Variants in ELAVL4 observed in about 807,000 individuals in gnomAD.
The protein encoded by ELAVL4 is ELAV like RNA binding protein 4, also known as ELAV-like protein 4.
In ELAVL4, 1 loss-of-function variant was observed where a neutral mutation model predicts 35.6. The ratio of observed to expected loss-of-function variants is 0.03; its 90% CI spans 0.01 to 0.13. The LOEUF (loss-of-function observed/expected upper bound fraction) is 0.13. Ranked by LOEUF, ELAVL4 falls within the 10% of genes least tolerant of loss-of-function variation. ELAVL4 has a pLI of 1.00. For missense variants in ELAVL4, 267 were observed against 464.9 expected (o/e 0.57, Z 3.91); for synonymous variants, 156 against 171.0 (o/e 0.91, Z 0.69).
chr1:50,158,015 A>G (rs1352666981), intron 2 of ELAVL4, among the ~76,000 whole-genome samples: 1 of 152,200 alleles, frequency 6.6e-6, no homozygotes, highest in Non-Finnish European at 1.5e-5. Flanking sequence ...GAGCTAGACT[A>G]CCTATATCTA....
At chr1:50,052,529 G>T (rs1663440291) in intron 1 of ELAVL4, among the ~76,000 whole-genome samples, 1 of 152,200 alleles carries the variant, frequency 6.6e-6, no homozygotes, top group Admixed American at 6.5e-5. Context: ...GACTTTCTCA[G>T]AAGAAACCAT....
At chr1:50,073,811 T>G (rs1223617985) in intron 1 of ELAVL4, among the ~76,000 whole-genome samples, 1 of 17,966 alleles carries the variant, frequency 5.6e-5, no homozygotes, top group Non-Finnish European at 1.0e-4. Flanking sequence ...ATACGCAAAC[T>G]AAATGCACAA....
intron 2 of ELAVL4, among the ~76,000 whole-genome samples, chr1:50,162,756 G>A (rs756235557): frequency 2.6e-5 from 4 of 152,102 alleles, no homozygotes; most frequent in Non-Finnish European, 5.9e-5. Context: ...GCTAATTTTT[G>A]TACTTTTTGT....
intron 1 of ELAVL4, among the ~76,000 whole-genome samples, chr1:50,068,654 A>G (rs986052668): frequency 2.6e-4 from 39 of 152,210 alleles, no homozygotes; most frequent in African/African-American, 8.9e-4. Flanking sequence ...GGTTGTGTGA[A>G]ATCTGTGGAT....
chr1:50,201,206 A>G lies in ELAVL4; in HGVS notation c.*28A>G. The G allele has an allele frequency of 1.3e-6, 2 of 1,512,850 alleles. No homozygotes were observed. Among genetic ancestry groups the G allele is most frequent in the African/African-American group, 1.4e-5 (1 of 70,572 alleles). The allele number at this position is 1,512,850 out of a possible 1,614,324, so 93.7% of individuals were successfully genotyped here. A position where few individuals can be genotyped will look rare whatever the true frequency, so the allele number is the denominator to read the frequency against. Reference sequence around the variant, plus strand: ...TTCCCATTCTTACTTACTAAAATATATATAGAAATATATACGAACAAAACA... The same window carrying G: ...TTCCCATTCTTACTTACTAAAATATGTATAGAAATATATACGAACAAAACA... On this transcript the variant is annotated 3_prime_UTR_variant, in exon 7 of 7. Coordinates refer to ENST00000371824, the MANE Select transcript of ELAVL4 (RefSeq NM_001144774.3). The surrounding 1 kb of genome is among the most constrained non-coding windows in gnomAD (Gnocchi z 4.3).
chr1:50,144,850 T>G, intron 1 of ELAVL4, 107 bp from the exon 2 acceptor site: 1 of 1,530,060 alleles, frequency 6.5e-7, no homozygotes, highest in South Asian at 1.2e-5. Context: ...TGCTCCATCT[T>G]GCTTTATCTT....
At chr1:50,099,161 TTCTTGAGTGCCCACC>T (rs1665844440), upstream of ELAVL4, among the ~76,000 whole-genome samples, 1 of 152,222 alleles carries the variant, frequency 6.6e-6, no homozygotes, top group Admixed American at 6.5e-5. Context: ...TTTATATCTT[TTCTTGAGTGCCCACC>T]ATATTCCAGG....
intron 1 of ELAVL4, among the ~76,000 whole-genome samples, chr1:50,110,995 G>C (rs886639672): frequency 6.6e-6 from 1 of 151,976 alleles, no homozygotes; most frequent in Non-Finnish European, 1.5e-5. Context: ...ACAGGACCTC[G>C]ATTATCTTTG....
chr1:50,089,569 A>G (rs1386608446), intron 1 of ELAVL4, among the ~76,000 whole-genome samples: 2 of 152,146 alleles, frequency 1.3e-5, no homozygotes, highest in Non-Finnish European at 2.9e-5. Context: ...CCTAGGCAAC[A>G]TGGCAAAACA....
chr1:50,109,693 C>G (rs1319284480), intron 1 of ELAVL4: 5 of 522,036 alleles, frequency 9.6e-6, no homozygotes, highest in Non-Finnish European at 1.7e-5. Context: ...GGGGACTGCG[C>G]AGTCAAAACG....
At chr1:50,131,898 A>C (rs1251336005) in intron 1 of ELAVL4, among the ~76,000 whole-genome samples, 4 of 151,976 alleles carry the variant, frequency 2.6e-5, no homozygotes, top group Non-Finnish European at 5.9e-5. Flanking sequence ...AAAAAAAAAA[A>C]AAAACCAGAA....
intron 1 of ELAVL4, among the ~76,000 whole-genome samples, chr1:50,060,905 T>A (rs1311816986): frequency 6.6e-6 from 1 of 152,234 alleles, no homozygotes; most frequent in East Asian, 1.9e-4. Flanking sequence ...TCATTCAAGA[T>A]AATTTTTCTT....
intron 1 of ELAVL4, among the ~76,000 whole-genome samples, chr1:50,083,300 A>T (rs906729873): frequency 2.0e-5 from 3 of 152,088 alleles, no homozygotes; most frequent in African/African-American, 7.2e-5. Flanking sequence ...CCCCAATGTC[A>T]AGTGATCCTC....
chr1:50,136,467 GC>G (rs925636241), intron 1 of ELAVL4, among the ~76,000 whole-genome samples: 15 of 152,108 alleles, frequency 9.9e-5, no homozygotes, highest in Admixed American at 6.6e-4. Flanking sequence ...TTCAGTGACT[GC>G]CCTTGGTAAA....
chr1:50,147,283 C>T (rs1276603969), intron 2 of ELAVL4, among the ~76,000 whole-genome samples: 1 of 152,166 alleles, frequency 6.6e-6, no homozygotes, highest in Non-Finnish European at 1.5e-5. Flanking sequence ...CATTTGACAG[C>T]AGTGTTTAAT....
chr1:50,131,444 A>G (rs952895286), intron 1 of ELAVL4, among the ~76,000 whole-genome samples: 7 of 152,266 alleles, frequency 4.6e-5, no homozygotes, highest in African/African-American at 1.7e-4. Context: ...CTAAAATTCT[A>G]TTTTTATGTG....
intron 1 of ELAVL4, chr1:50,144,462 C>A (rs1460758493): frequency 5.1e-6 from 2 of 395,162 alleles, no homozygotes; most frequent in East Asian, 1.3e-4. Flanking sequence ...AAAATTTAAA[C>A]CCTTCCCATA....
At chr1:50,059,198 C>G (rs893848932) in intron 1 of ELAVL4, among the ~76,000 whole-genome samples, 6 of 152,180 alleles carry the variant, frequency 3.9e-5, no homozygotes, top group African/African-American at 1.4e-4. Context: ...TTCTCTGATT[C>G]TAAGATAAGA....
chr1:50,050,835 T>A (rs1370050658), intron 1 of ELAVL4, among the ~76,000 whole-genome samples: 1 of 152,212 alleles, frequency 6.6e-6, no homozygotes, highest in Non-Finnish European at 1.5e-5. Flanking sequence ...GCATCCCTTT[T>A]CCTGCTTTCA....
Sources: gnomAD v4.1 joint callset for allele counts (sites outside exome capture counted in the v4.1 genomes callset) on GRCh38, gnomAD v4.1.1 for gene constraint, Gnocchi (gnomAD v3.1) non-coding constraint, MANE v1.5 for transcripts, NCBI Gene and HGNC (gene_info 2026-07-23, HGNC 2026-07-21) for gene names.